Variants in ADAMTSL3 observed in about 807,000 individuals in gnomAD.
ADAMTSL3 encodes ADAMTS like 3.
In ADAMTSL3, 128 loss-of-function variants were observed where a neutral mutation model predicts 201.7. The observed-to-expected ratio is 0.63, with a 90% CI of 0.55 to 0.73. ADAMTSL3 has a LOEUF of 0.73. ADAMTSL3 is among the 30% of genes least tolerant of loss of function. The probability of loss-of-function intolerance (pLI) is 0.00; values close to 1 mark genes in which losing one functional copy is unlikely to be tolerated. For synonymous variants in ADAMTSL3, 738 were observed against 748.4 expected (o/e 0.99, Z 0.23); for missense variants, 1,990 against 2,119.6 (o/e 0.94, Z 1.20).
At chr15:83,860,384 C>A (rs933738048) in intron 8 of ADAMTSL3, among the ~76,000 whole-genome samples, 1 of 152,062 alleles carries the variant, frequency 6.6e-6, no homozygotes, top group Non-Finnish European at 1.5e-5. Flanking sequence ...TGTAGGGGTC[C>A]CTGAAGGCTG....
chr15:83,878,335 G>A (rs1037154777), intron 9 of ADAMTSL3, among the ~76,000 whole-genome samples: 1 of 152,122 alleles, frequency 6.6e-6, no homozygotes, highest in Non-Finnish European at 1.5e-5. Context: ...ATTGTTAGTT[G>A]CCGGGCGTGG....
At chr15:83,845,625 T>C (rs1384417471) in intron 7 of ADAMTSL3, among the ~76,000 whole-genome samples, 1 of 152,194 alleles carries the variant, frequency 6.6e-6, no homozygotes, top group Non-Finnish European at 1.5e-5. Flanking sequence ...GTGTGTAATT[T>C]GTTCATTGTT....
At chr15:83,914,854 TTTGTTTGTTTG>T (rs2066002911) in intron 16 of ADAMTSL3, among the ~76,000 whole-genome samples, 4 of 127,046 alleles carry the variant, frequency 3.1e-5, no homozygotes, top group African/African-American at 7.7e-5. Flanking sequence ...TTTGGTTTTG[TTTGTTTGTTTG>T]TTTGTTTGTT....
At chr15:83,815,943 A>AT (rs1329321705) in intron 5 of ADAMTSL3, among the ~76,000 whole-genome samples, 1 of 152,216 alleles carries the variant, frequency 6.6e-6, no homozygotes, top group African/African-American at 2.4e-5. Flanking sequence ...CATGATCCGG[A>AT]TATCAGGCTG....
chr15:83,806,030 T>C (rs1229657483), intron 5 of ADAMTSL3, among the ~76,000 whole-genome samples: 1 of 144,340 alleles, frequency 6.9e-6, no homozygotes, highest in Non-Finnish European at 1.5e-5. Context: ...CATTGTGCAC[T>C]GCCCACCTCC....
chr15:83,809,024 GA>G (rs2063650578), intron 5 of ADAMTSL3, among the ~76,000 whole-genome samples: 1 of 152,000 alleles, frequency 6.6e-6, no homozygotes, highest in Non-Finnish European at 1.5e-5. Context: ...GGTTAGTCAA[GA>G]AAGTTACAAC....
intron 3 of ADAMTSL3, among the ~76,000 whole-genome samples, chr15:83,713,373 G>C (rs2141539441): frequency 6.6e-6 from 1 of 152,306 alleles, no homozygotes; most frequent in East Asian, 1.9e-4. Context: ...TTTCTGTTCT[G>C]TTGTGGCCTG....
intron 8 of ADAMTSL3, among the ~76,000 whole-genome samples, chr15:83,860,287 A>G (rs1477922888): frequency 2.0e-5 from 3 of 152,216 alleles, no homozygotes; most frequent in Non-Finnish European, 4.4e-5. Flanking sequence ...AGTGGGACAA[A>G]ACAAAACAAA....
At chr15:83,827,260 G>A (rs1284172143) in intron 6 of ADAMTSL3, among the ~76,000 whole-genome samples, 6 of 152,212 alleles carry the variant, frequency 3.9e-5, no homozygotes, top group Admixed American at 6.5e-5. Flanking sequence ...CTGATGGCCA[G>A]TGATGATGAG....
chr15:83,765,372 G>A (rs1265544533), intron 3 of ADAMTSL3, among the ~76,000 whole-genome samples: 1 of 152,160 alleles, frequency 6.6e-6, no homozygotes, highest in African/African-American at 2.4e-5. Flanking sequence ...ACATTTATTT[G>A]ATGTCTGGGA....
intron 3 of ADAMTSL3, among the ~76,000 whole-genome samples, chr15:83,714,445 A>C (rs994472417): frequency 6.6e-6 from 1 of 152,200 alleles, no homozygotes; most frequent in Non-Finnish European, 1.5e-5. Flanking sequence ...CTTCAACTGC[A>C]GCCTTTGCAT....
At chr15:84,019,912 G>C (rs1006377858) in intron 25 of ADAMTSL3, among the ~76,000 whole-genome samples, 3 of 132,988 alleles carry the variant, frequency 2.3e-5, no homozygotes, top group Non-Finnish European at 5.0e-5. Flanking sequence ...AAAAAAAAAA[G>C]AAACCAAATA....
intron 2 of ADAMTSL3, among the ~76,000 whole-genome samples, chr15:83,699,036 G>T (rs572088008): frequency 2.0e-5 from 3 of 152,026 alleles, no homozygotes; most frequent in Admixed American, 6.6e-5. Flanking sequence ...GTCAGGCAAA[G>T]CCCTCTTGCC....
chr15:83,957,924 G>A (rs988192307), intron 19 of ADAMTSL3, among the ~76,000 whole-genome samples: 3 of 152,106 alleles, frequency 2.0e-5, no homozygotes, highest in Non-Finnish European at 2.9e-5. Flanking sequence ...AAGGCTTCTA[G>A]TGAAGCAAAA....
chr15:83,875,554 G>A (rs1449929924), intron 9 of ADAMTSL3, among the ~76,000 whole-genome samples: 3 of 152,222 alleles, frequency 2.0e-5, no homozygotes, highest in African/African-American at 7.2e-5. Context: ...GGAGGCTGAG[G>A]CAGGCAGATC....
intron 20 of ADAMTSL3, among the ~76,000 whole-genome samples, chr15:83,972,291 A>G (rs923012411): frequency 6.6e-6 from 1 of 152,146 alleles, no homozygotes; most frequent in African/African-American, 2.4e-5. Context: ...TGAGGAACAC[A>G]TTTCCAAAAT....
intron 3 of ADAMTSL3, among the ~76,000 whole-genome samples, chr15:83,708,956 C>T (rs1596065465): frequency 6.6e-6 from 1 of 152,294 alleles, no homozygotes; most frequent in Non-Finnish European, 1.5e-5. Context: ...AAGACCATTA[C>T]ACTCCAAACC....
At chr15:83,957,875 A>G (rs544021306) in intron 19 of ADAMTSL3, among the ~76,000 whole-genome samples, 1 of 152,324 alleles carries the variant, frequency 6.6e-6, no homozygotes, top group African/African-American at 2.4e-5. Flanking sequence ...TGATATCTAA[A>G]AGTATATTAT....
chr15:83,776,679 T>C (rs2063079413), intron 4 of ADAMTSL3, among the ~76,000 whole-genome samples: 1 of 151,864 alleles, frequency 6.6e-6, no homozygotes, highest in South Asian at 2.1e-4. Flanking sequence ...ATTGCGCCAT[T>C]GCACTCCAGC....
Sources: allele counts gnomAD v4.1 joint callset (sites outside exome capture counted in the v4.1 genomes callset), GRCh38; gene constraint gnomAD v4.1.1; transcripts MANE v1.5; gene names NCBI Gene and HGNC (gene_info 2026-07-23, HGNC 2026-07-21).